The following IQCM variants were observed in gnomAD, a reference collection of about 807,000 sequenced individuals.
IQCM encodes IQ domain-containing protein M.
A neutral mutation model predicts 57.6 loss-of-function variants in IQCM; 45 were observed. The ratio of observed to expected loss-of-function variants is 0.78; its 90% CI spans 0.62 to 1.00. The LOEUF (loss-of-function observed/expected upper bound fraction) is 1.00, where lower values mean the gene tolerates loss of function less well. IQCM is among the 50% of genes least tolerant of loss of function. The probability of loss-of-function intolerance (pLI) is 0.00; values close to 1 mark genes in which losing one functional copy is unlikely to be tolerated. For missense variants in IQCM, 468 were observed against 511.6 expected, an observed-to-expected ratio of 0.91 and a Z score of 0.82; for synonymous variants, 148 against 158.9, an observed-to-expected ratio of 0.93 and a Z score of 0.51.
chr4:149,724,986 G>A (rs549029229), intron 5 of IQCM, among the ~76,000 whole-genome samples: 1 of 151,934 alleles, frequency 6.6e-6, no homozygotes, highest in African/African-American at 2.4e-5. Context: ...ATACAAACTG[G>A]TTAAGCAGTA....
chr4:149,561,614 G>C (rs918062064), intron 10 of IQCM, among the ~76,000 whole-genome samples: 1 of 151,988 alleles, frequency 6.6e-6, no homozygotes, highest in Non-Finnish European at 1.5e-5. Context: ...CTGTCTTCAT[G>C]GAGTTTGCAA....
chr4:149,632,843 T>C (rs972455192), intron 7 of IQCM, among the ~76,000 whole-genome samples: 1 of 152,146 alleles, frequency 6.6e-6, no homozygotes, highest in Admixed American at 6.6e-5. Context: ...GTCCAAGTGA[T>C]AAAGCTAAAG....
intron 5 of IQCM, among the ~76,000 whole-genome samples, chr4:149,716,846 A>G (rs1433981905): frequency 6.6e-6 from 1 of 152,160 alleles, no homozygotes; most frequent in Non-Finnish European, 1.5e-5. Context: ...GTTCTTTGGA[A>G]AGGAGAGAAG....
chr4:149,520,005 AAAG>A (rs1745451360), intron 12 of IQCM, among the ~76,000 whole-genome samples: 2 of 151,588 alleles, frequency 1.3e-5, no homozygotes, highest in African/African-American at 4.9e-5. Flanking sequence ...ACTCTGTCTC[AAAG>A]AAAACAAAAA....
At chr4:149,424,772 C>T (rs1242392029) in intron 13 of IQCM, among the ~76,000 whole-genome samples, 3 of 151,884 alleles carry the variant, frequency 2.0e-5, no homozygotes, top group Non-Finnish European at 2.9e-5. Flanking sequence ...TATTGCTGGA[C>T]ATTTGCATTG....
In IQCM at chr4:149,626,723, AATACT is replaced by A. The variant is rs1579757710; in HGVS notation, c.566-5484_566-5480del. On this transcript the variant is annotated intron_variant, in intron 7 of 13. Coordinates refer to ENST00000636793, the MANE Select transcript of IQCM (RefSeq NM_001363507.2). ...AGGCAGCCCCTTTACAACTTCAATA[AATACT>A]ATAATGATAAAGGAGAAGATGAAAA... is the stretch of plus-strand genomic sequence containing the variant. Among the ~76,000 whole-genome samples the A allele has an allele frequency of 3.9e-5, 6 of 152,228 alleles. No individual in the cohort carries two copies. In the East Asian group the frequency reaches 1.2e-3, roughly 30 times the overall value.
At chr4:149,583,645 C>T (rs1752406988) in intron 9 of IQCM, among the ~76,000 whole-genome samples, 1 of 151,580 alleles carries the variant, frequency 6.6e-6, no homozygotes, top group South Asian at 2.1e-4. Flanking sequence ...AAAACGTAGA[C>T]TTTTGCAATA....
At chr4:149,761,297 T>C (rs1769490306) in intron 2 of IQCM, among the ~76,000 whole-genome samples, 1 of 152,070 alleles carries the variant, frequency 6.6e-6, no homozygotes, top group African/African-American at 2.4e-5. Context: ...TAATAATAAA[T>C]AATCCAAAGC....
intron 7 of IQCM, among the ~76,000 whole-genome samples, chr4:149,629,106 T>A (rs1328822417): frequency 6.6e-6 from 1 of 152,190 alleles, no homozygotes; most frequent in Non-Finnish European, 1.5e-5. Context: ...CCCTCACCAA[T>A]ATACTCAGTT....
At chr4:149,431,473 T>G (rs991353009) in intron 13 of IQCM, among the ~76,000 whole-genome samples, 1 of 152,022 alleles carries the variant, frequency 6.6e-6, no homozygotes, top group Non-Finnish European at 1.5e-5. Flanking sequence ...GCTTCTCTTT[T>G]AATTTTGTGT....
chr4:149,750,352 G>A (rs1223001136), intron 2 of IQCM, among the ~76,000 whole-genome samples: 1 of 152,176 alleles, frequency 6.6e-6, no homozygotes, highest in Non-Finnish European at 1.5e-5. Context: ...GAAAGGCAGA[G>A]GTGGGGGTAA....
intron 13 of IQCM, among the ~76,000 whole-genome samples, chr4:149,357,839 C>A (rs1331959627): frequency 6.6e-6 from 1 of 152,098 alleles, no homozygotes; most frequent in Non-Finnish European, 1.5e-5. Context: ...CGTCCTTGTA[C>A]CTCTGGTAGA....
chr4:149,524,813 A>C (rs1745998815), intron 12 of IQCM, among the ~76,000 whole-genome samples: 1 of 151,758 alleles, frequency 6.6e-6, no homozygotes, highest in Admixed American at 6.6e-5. Flanking sequence ...AAGAGACATA[A>C]CCATCTGTAG....
At chr4:149,712,299 A>G (rs1046000461) in intron 5 of IQCM, among the ~76,000 whole-genome samples, 1 of 152,072 alleles carries the variant, frequency 6.6e-6, no homozygotes, top group Non-Finnish European at 1.5e-5. Context: ...GACAGTGATT[A>G]GGATTGATCT....
intron 2 of IQCM, among the ~76,000 whole-genome samples, chr4:149,748,375 C>T (rs2149926805): frequency 6.6e-6 from 1 of 152,320 alleles, no homozygotes. Context: ...TCCCAGCTTA[C>T]ATGAAATATT....
intron 5 of IQCM, among the ~76,000 whole-genome samples, chr4:149,696,594 T>A (rs544376645): frequency 1.3e-5 from 2 of 152,262 alleles, no homozygotes; most frequent in Admixed American, 6.5e-5. Flanking sequence ...TTAATTCGTA[T>A]CTCAAATATA....
chr4:149,367,451 CTTA>C (rs2110951987), intron 13 of IQCM, among the ~76,000 whole-genome samples: 1 of 151,984 alleles, frequency 6.6e-6, no homozygotes, highest in Admixed American at 6.6e-5. Context: ...CACATTTTGA[CTTA>C]TTTACTCAAG....
chr4:149,573,562 A>G (rs1751364110), intron 9 of IQCM, among the ~76,000 whole-genome samples: 1 of 151,942 alleles, frequency 6.6e-6, no homozygotes, highest in South Asian at 2.1e-4. Flanking sequence ...AATTAAATCC[A>G]TTAATATCAG....
At position 149,368,910 on chromosome 4, in the gene IQCM, ATATATGTG is replaced by A. The variant is rs1560779468; in HGVS notation, c.1391-16852_1391-16845del. On this transcript the variant is annotated intron_variant, in intron 13 of 13. Transcript: ENST00000636793. ...TATATGTATATATATACACGTGTAT[ATATATGTG>A]TATATATATACACGTGTATATATAT... Among the ~76,000 whole-genome samples, 24 of 79,684 alleles carry A rather than the reference ATATATGTG, an allele frequency of 3.0e-4. 7 individuals carry two copies. Among genetic ancestry groups the A allele is most frequent in the South Asian group, 6.3e-4 (2 of 3,154 alleles). The allele number at this position is 79,684 out of a possible 152,430, so 52.3% of individuals were successfully genotyped here.
Sources: allele counts gnomAD v4.1 joint callset (sites outside exome capture counted in the v4.1 genomes callset), GRCh38; gene constraint gnomAD v4.1.1; transcripts MANE v1.5; gene names NCBI Gene and HGNC (gene_info 2026-07-23, HGNC 2026-07-21).